Variants in MACF1 observed in about 807,000 individuals in gnomAD.
MACF1 encodes microtubule actin crosslinking factor 1.
MACF1 carries 193 observed loss-of-function variants against 854.8 expected under a neutral mutation model. The ratio of observed to expected loss-of-function variants is 0.23; its 90% confidence interval spans 0.20 to 0.25. The LOEUF is 0.25. Among genes scored for constraint, MACF1 ranks in the 10% least tolerant of loss-of-function variants. The probability of loss-of-function intolerance (pLI) is 1.00; values close to 1 mark genes in which losing one functional copy is unlikely to be tolerated. For synonymous variants in MACF1, 3,185 were observed against 3,226.7 expected (o/e 0.99, Z 0.44); for missense variants, 7,722 against 8,929.1 (o/e 0.86, Z 5.45).
chr1:39,225,733 G>A (rs886425759), intron 1 of MACF1, among the ~76,000 whole-genome samples: 6 of 152,134 alleles, frequency 3.9e-5, no homozygotes, highest in Non-Finnish European at 7.4e-5. Flanking sequence ...TTCTTTGCCC[G>A]TTTTCCTCTC....
chr1:39,444,335 C>CAA (rs917074995), intron 79 of MACF1, among the ~76,000 whole-genome samples: 1 of 133,574 alleles, frequency 7.5e-6, no homozygotes, highest in African/African-American at 2.8e-5. Context: ...GACTCCATCT[C>CAA]AAAAAAAAAA....
intron 68 of MACF1, among the ~76,000 whole-genome samples, chr1:39,433,498 C>A (rs565535893): frequency 2.0e-4 from 30 of 152,256 alleles, no homozygotes; most frequent in African/African-American, 7.2e-4. Flanking sequence ...TTAATTCCTT[C>A]ATTATATCCT....
At chr1:39,320,579 TATC>T (rs1384327911) in intron 31 of MACF1, among the ~76,000 whole-genome samples, 1 of 152,250 alleles carries the variant, frequency 6.6e-6, no homozygotes, top group African/African-American at 2.4e-5. Context: ...AATGGCTTCA[TATC>T]ATAGTCGTAA....
intron 2 of MACF1, among the ~76,000 whole-genome samples, chr1:39,123,700 C>T (rs767793585): frequency 1.5e-4 from 22 of 144,708 alleles, no homozygotes; most frequent in Non-Finnish European, 2.4e-4. Flanking sequence ...CCACCATGCC[C>T]GGCTAATTCT....
intron 40 of MACF1, among the ~76,000 whole-genome samples, chr1:39,342,049 C>T (rs1326568687): frequency 6.6e-6 from 1 of 150,548 alleles, no homozygotes; most frequent in Non-Finnish European, 1.5e-5. Flanking sequence ...TGTCTCTGCT[C>T]CCACCCCCTC....
intron 42 of MACF1, among the ~76,000 whole-genome samples, chr1:39,349,850 G>A (rs988862979): frequency 1.2e-4 from 19 of 152,048 alleles, no homozygotes; most frequent in East Asian, 1.9e-4. Context: ...AGCTGGTCTC[G>A]AACTCTGGGC....
At position 39,440,111 on chromosome 1, in the gene MACF1, C is replaced by CTTTTTTTTTTTTTTTTTTT. The variant is rs774399403; in HGVS notation, c.18447+629_18447+630insTTTTTTTTTTTTTTTTTTT. Among the ~76,000 whole-genome samples, 38 of 64,564 alleles carry CTTTTTTTTTTTTTTTTTTT rather than the reference C, an allele frequency of 5.9e-4. 1 individual carries two copies. The highest frequency in any genetic ancestry group is 2.2e-3 in the African/African-American group (32 of 14,880). The allele number at this position is 64,564 out of a possible 152,430, so 42.4% of individuals were successfully genotyped here. A position where few individuals can be genotyped will look rare whatever the true frequency, so the allele number is the denominator to read the frequency against. On this transcript the variant is annotated intron_variant, in intron 72 of 100. Transcript: ENST00000564288. The stretch of plus-strand genomic sequence containing the variant: ...CTTTTCTTTTCTTTTCTTTTCTTTT[C>CTTTTTTTTTTTTTTTTTTT]TTTTTTTTTTTTTTTTTTGGAGACA...
intron 2 of MACF1, among the ~76,000 whole-genome samples, chr1:39,143,866 C>G (rs1643402563): frequency 6.6e-6 from 1 of 152,098 alleles, no homozygotes. Flanking sequence ...GCTCCGCCTC[C>G]TGGGTTCACA....
In MACF1 at chr1:39,335,711, T is replaced by TG. The variant is rs748104716; in HGVS notation, c.9124dup (p.Glu3042GlyfsTer26). ...TGGGATTTTCTATTACTTTTAAAAT[T>TG]GAAGAGTCCTCTTCCCAAGTGGTAC... On this transcript the variant is annotated frameshift_variant, in exon 37 of 101. Transcript: ENST00000564288. LOFTEE classifies it high-confidence loss of function. 1 of 1,613,274 alleles carries TG rather than the reference T, an allele frequency of 6.2e-7. No individual in the cohort carries two copies. Among genetic ancestry groups the TG allele is most frequent in the Non-Finnish European group, 8.5e-7 (1 of 1,179,838 alleles).
chr1:39,387,672 A>C lies in MACF1; in HGVS notation c.14830A>C (p.Arg4944=), dbSNP rs1343630520. The C allele has an allele frequency of 1.9e-6, 3 of 1,614,072 alleles. No homozygotes were observed. The highest frequency in any genetic ancestry group is 2.7e-5 in the African/African-American group (2 of 74,920). Residue 4944 remains arginine (R), a synonymous_variant, in exon 58 of 101, where the codon AGA becomes CGA. Transcript: ENST00000564288. ...AGTGCAGCTAGAGTCCAGTCTCCTAAGATCAAAGGCTATGCTGAATGAGGT... is the reference window on the plus strand; with the variant it reads ...AGTGCAGCTAGAGTCCAGTCTCCTACGATCAAAGGCTATGCTGAATGAGGT... ...DPVQLESSLL[R]SKAMLNEVEK...
chr1:39,357,135 T>C (rs1647665166), intron 44 of MACF1, among the ~76,000 whole-genome samples: 1 of 152,152 alleles, frequency 6.6e-6, no homozygotes, highest in Non-Finnish European at 1.5e-5. Context: ...AGTCAGCATC[T>C]AAATTAAAGG....
intron 2 of MACF1, among the ~76,000 whole-genome samples, chr1:39,119,744 G>A (rs140392348): frequency 1.4e-4 from 22 of 151,958 alleles, no homozygotes; most frequent in Non-Finnish European, 2.4e-4. Flanking sequence ...TGCTTTTCCC[G>A]TCCATCCAGT....
chr1:39,240,735 G>C lies in MACF1; in HGVS notation c.172-9279G>C, dbSNP rs542767853. 2.0e-3 allele frequency among the ~76,000 whole-genome samples: 303 copies of C among 152,290 alleles called. 2 individuals carry two copies. Among genetic ancestry groups the C allele is most frequent in the African/African-American group, 7.1e-3 (293 of 41,552 alleles). The stretch of plus-strand genomic sequence containing the variant: ...GCTGGTCTCGAACTTCTGATCTCAG[G>C]TGATCTGCCCATCTTGGCCTCCTAA... On this transcript the variant is annotated intron_variant, in intron 2 of 100. Coordinates refer to ENST00000564288, the MANE Select transcript of MACF1 (RefSeq NM_001394062.1).
intron 31 of MACF1, among the ~76,000 whole-genome samples, chr1:39,321,381 C>T (rs1298346998): frequency 6.6e-6 from 1 of 152,144 alleles, no homozygotes; most frequent in African/African-American, 2.4e-5. Flanking sequence ...GTAGCAATTG[C>T]TTTGATTATA....
rs759994316 is a variant in MACF1, at chr1:39,442,752, G to A, written c.19143G>A (p.Val6381=). The change falls in exon 78 of 101, where the codon GTG becomes GTA. Residue 6381 remains valine (V), a synonymous_variant. Transcript: ENST00000564288. ...KNDVLAHQAT[V]ETVNKAGNEL... Reference sequence around the variant, plus strand: ...ATGTTTTGGCTCATCAAGCCACAGTGGAAACAGTCAACAAAGCTGGCAATG... The same window carrying A: ...ATGTTTTGGCTCATCAAGCCACAGTAGAAACAGTCAACAAAGCTGGCAATG... 1 of 1,614,030 alleles carries A rather than the reference G, an allele frequency of 6.2e-7. No individual in the cohort carries two copies. The highest frequency in any genetic ancestry group is 1.7e-5 in the Admixed American group (1 of 60,010).
chr1:39,445,454 ATGAATAGTTAT>A (rs1451526642), intron 80 of MACF1, among the ~76,000 whole-genome samples: 1 of 152,224 alleles, frequency 6.6e-6, no homozygotes, highest in Non-Finnish European at 1.5e-5. Flanking sequence ...CATTCACTCA[ATGAATAGTTAT>A]TGAGCAAGTG....
At position 39,336,320 on chromosome 1, in the gene MACF1, C is replaced by A; in HGVS notation, c.9732C>A (p.Asn3244Lys). 1 of 1,614,156 alleles carries A rather than the reference C, an allele frequency of 6.2e-7. No individual in the cohort carries two copies. Among genetic ancestry groups the A allele is most frequent in the African/African-American group, 1.3e-5 (1 of 75,022 alleles). ...GAGAGAAATTTCTAGAAATGGCAAA[C>A]CCTAATGTTGCAGGTCTAGAAGCAG... Reference protein sequence around the residue: ...LTGEKFLEMANPNVAGLEAGS... With the variant: ...LTGEKFLEMAKPNVAGLEAGS... Residue 3244 changes from asparagine to lysine, a missense_variant, in exon 37 of 101, where the codon AAC becomes AAA. This residue lies in a region of MACF1 where 854 missense variants were observed against 852.6 expected (regional missense o/e 1.00). Transcript: ENST00000564288.
At chr1:39,146,400 G>A (rs964363393) in intron 2 of MACF1, among the ~76,000 whole-genome samples, 2 of 150,024 alleles carry the variant, frequency 1.3e-5, no homozygotes, top group Non-Finnish European at 3.0e-5. Context: ...CTGAGATTAC[G>A]TCACTGCACT....
chr1:39,098,428 C>A (rs1641987487), intron 2 of MACF1, among the ~76,000 whole-genome samples: 1 of 152,244 alleles, frequency 6.6e-6, no homozygotes, highest in Non-Finnish European at 1.5e-5. Flanking sequence ...CTGCCTCCCC[C>A]ATTACAAGGA....
Sources: allele counts gnomAD v4.1 joint callset (sites outside exome capture counted in the v4.1 genomes callset), GRCh38; gene constraint gnomAD v4.1.1; regional missense constraint gnomAD v4.1.1; transcripts MANE v1.5; gene names NCBI Gene and HGNC (gene_info 2026-07-23, HGNC 2026-07-21).